PDCD6: variants seen among roughly 807,000 people sequenced by gnomAD.
PDCD6 encodes the protein programmed cell death 6.
PDCD6 carries 12 observed loss-of-function variants against 28.3 expected under a neutral mutation model. The observed-to-expected ratio is 0.42, with a 90% CI of 0.27 to 0.69. The LOEUF is 0.69. Ranked by LOEUF, PDCD6 falls within the 30% of genes least tolerant of loss-of-function variation. PDCD6 has a pLI of 0.22. For missense variants in PDCD6, 226 were observed against 269.9 expected, an observed-to-expected ratio of 0.84 and a Z score of 1.14; for synonymous variants, 92 against 108.0, an observed-to-expected ratio of 0.85 and a Z score of 0.92.
chr5:288,714 T>G (rs1323875936), intron 2 of PDCD6: 11 of 454,798 alleles, frequency 2.4e-5, no homozygotes, highest in Non-Finnish European at 3.7e-5. Flanking sequence ...TAAAGTACTT[T>G]ATTGTTTTAC....
chr5:292,760 A>G (rs888195134), intron 2 of PDCD6, among the ~76,000 whole-genome samples: 2 of 152,174 alleles, frequency 1.3e-5, no homozygotes, highest in African/African-American at 4.8e-5. Context: ...TGCTGTGAGG[A>G]CTTGGCTCCG....
At chr5:281,038 A>G (rs1579487202) in intron 2 of PDCD6, among the ~76,000 whole-genome samples, 1 of 152,266 alleles carries the variant, frequency 6.6e-6, no homozygotes, top group South Asian at 2.1e-4. Flanking sequence ...GCAGAGAGAA[A>G]TAAGATCGCA....
Position 314,823 on chromosome 5 carries a change from T to C in PDCD6, c.*308T>C. 1.1e-5 allele frequency: 5 copies of C among 446,740 alleles called. No individual in the cohort carries two copies. The highest frequency in any genetic ancestry group is 2.1e-5 in the Non-Finnish European group (5 of 238,820). 27.7% of individuals were successfully genotyped at this position (446,740 alleles called of 1,614,324 possible). ...GTGCTTTTCTAGATGTCTCTGGTTC[T>C]ATAGTGCAAATGCTTTTATTAGCCA... is the stretch of plus-strand genomic sequence containing the variant. On this transcript the variant is annotated 3_prime_UTR_variant, in exon 6 of 6. Transcript: ENST00000264933.
intron 4 of PDCD6, 151 bp downstream of exon 4, chr5:306,911 T>C: frequency 2.6e-6 from 2 of 760,158 alleles, no homozygotes; most frequent in Non-Finnish European, 4.5e-6. Flanking sequence ...TTGATATTGC[T>C]CATGTCGGAA....
At chr5:294,104 A>C (rs935585952) in intron 2 of PDCD6, among the ~76,000 whole-genome samples, 4 of 151,328 alleles carry the variant, frequency 2.6e-5, no homozygotes, top group Non-Finnish European at 5.9e-5. Context: ...AAACCCTTAG[A>C]TAAAAACACA....
chr5:275,033 G>A (rs945850798), intron 2 of PDCD6, among the ~76,000 whole-genome samples: 1 of 134,422 alleles, frequency 7.4e-6, no homozygotes, highest in Admixed American at 7.7e-5. Context: ...TTTCTTAGGC[G>A]CCCCCCTTTA....
chr5:271,918 T>G, intron 1 of PDCD6, 97 bp downstream of exon 1: 1 of 573,966 alleles, frequency 1.7e-6, no homozygotes, highest in Non-Finnish European at 2.7e-6. Flanking sequence ...CTGCCGGTTC[T>G]ACTGCGGCCT....
Position 271,810 on chromosome 5 carries a change from C to T in PDCD6, c.90C>T (p.Asn30=), listed in dbSNP as rs750325445. 2.1e-6 allele frequency: 3 copies of T among 1,447,980 alleles called. No homozygotes were observed. Among genetic ancestry groups the T allele is most frequent in the Non-Finnish European group, 2.7e-6 (3 of 1,103,904 alleles). The allele number at this position is 1,447,980 out of a possible 1,614,324, so 89.7% of individuals were successfully genotyped here. A position where few individuals can be genotyped will look rare whatever the true frequency, so the allele number is the denominator to read the frequency against. ...TGCCGGACCAGAGCTTCCTGTGGAA[C>T]GTTTTCCAGAGGTGCGGCCTGGCAC... ...AALPDQSFLW[N]VFQRVDKDRS... Residue 30 remains asparagine (N), a synonymous_variant, in exon 1 of 6, where the codon AAC becomes AAT. Coordinates refer to ENST00000264933, the MANE Select transcript of PDCD6 (RefSeq NM_013232.4).
intron 2 of PDCD6, among the ~76,000 whole-genome samples, chr5:303,930 TG>T (rs1276390846): frequency 2.6e-5 from 4 of 151,674 alleles, no homozygotes; most frequent in Non-Finnish European, 5.9e-5. Context: ...CCGCGATGAC[TG>T]TGGACGGCCT....
intron 2 of PDCD6, among the ~76,000 whole-genome samples, chr5:284,447 G>A (rs1265830527): frequency 6.6e-6 from 1 of 151,934 alleles, no homozygotes; most frequent in African/African-American, 2.4e-5. Context: ...TCTGGCAGGA[G>A]CTGATGTTCC....
In PDCD6 at chr5:274,939, A is replaced by G. The variant is rs147807756; in HGVS notation, c.163+2167A>G. On this transcript the variant is annotated intron_variant, in intron 2 of 5. Coordinates refer to ENST00000264933, the MANE Select transcript of PDCD6 (RefSeq NM_013232.4). ...GAATTGCCTGATGGGTGCTGAGTCC[A>G]CCATTCCTGAGATACTTTGAAATCA... Among the ~76,000 whole-genome samples the G allele has an allele frequency of 6.8e-3, 1,037 of 152,268 alleles. 9 individuals carry two copies. Among genetic ancestry groups the G allele is most frequent in the African/African-American group, 0.02 (825 of 41,548 alleles).
chr5:284,664 G>C (rs574409274), intron 2 of PDCD6, among the ~76,000 whole-genome samples: 2 of 93,006 alleles, frequency 2.2e-5, no homozygotes, highest in East Asian at 4.4e-4. Context: ...CCGGGCGGGA[G>C]CTGATGTTCC....
At chr5:283,133 G>A (rs1325347074) in intron 2 of PDCD6, among the ~76,000 whole-genome samples, 1 of 151,916 alleles carries the variant, frequency 6.6e-6, no homozygotes, top group Non-Finnish European at 1.5e-5. Context: ...TCAGAGAGGA[G>A]CTGATGTTCT....
At chr5:290,418 G>C (rs535042260) in intron 2 of PDCD6, 9 of 701,780 alleles carry the variant, frequency 1.3e-5, no homozygotes, top group Non-Finnish European at 2.3e-5. Flanking sequence ...CCACTCCCTC[G>C]CACACACTCC....
At chr5:314,264 C>T (rs1741125684) in intron 5 of PDCD6, among the ~76,000 whole-genome samples, 153 bp from the exon 6 acceptor site, 1 of 152,230 alleles carries the variant, frequency 6.6e-6, no homozygotes, top group Non-Finnish European at 1.5e-5. Context: ...GTGTGAACAG[C>T]TCCAGCCCCA....
chr5:303,325 C>T lies in PDCD6; in HGVS notation c.164-852C>T, dbSNP rs111488206. ...AAAAAAAAAAAAACTGTGTGTCTAA[C>T]ACAGACGGGGTATGAGGAGAGCCAC... On this transcript the variant is annotated intron_variant, in intron 2 of 5. Transcript: ENST00000264933. 4.3e-3 allele frequency among the ~76,000 whole-genome samples: 639 copies of T among 150,182 alleles called. 3 individuals are homozygous for T. The highest frequency in any genetic ancestry group is 0.015 in the South Asian group (73 of 4,752).
chr5:303,474 C>T (rs1426552084), intron 2 of PDCD6, among the ~76,000 whole-genome samples: 1 of 151,766 alleles, frequency 6.6e-6, no homozygotes, highest in Non-Finnish European at 1.5e-5. Context: ...AATCTTCATT[C>T]TCAGAGTTGA....
intron 2 of PDCD6, among the ~76,000 whole-genome samples, chr5:281,261 G>C (rs1039573280): frequency 3.9e-5 from 6 of 152,236 alleles, no homozygotes; most frequent in Non-Finnish European, 7.3e-5. Context: ...GCTGAATTTC[G>C]TAAGAAGGGA....
rs752050902 is a variant in PDCD6 at position 314,546 on chromosome 5, T to C, written c.*31T>C. 3.4e-6 allele frequency: 5 copies of C among 1,456,962 alleles called. No individual in the cohort carries two copies. In the Admixed American group the frequency reaches 5.0e-5, roughly 15 times the overall value. 90.3% of individuals were successfully genotyped at this position (1,456,962 alleles called of 1,614,324 possible). Reference sequence around the variant, plus strand: ...GCCTCTCGTGAAGAGCAGCACAACATGGAAAGAGCCAAAATGTCACAGTTC... The same window carrying C: ...GCCTCTCGTGAAGAGCAGCACAACACGGAAAGAGCCAAAATGTCACAGTTC... On this transcript the variant is annotated 3_prime_UTR_variant, in exon 6 of 6. Coordinates refer to ENST00000264933, the MANE Select transcript of PDCD6 (RefSeq NM_013232.4).
Sources: allele counts gnomAD v4.1 joint callset (sites outside exome capture counted in the v4.1 genomes callset), GRCh38; gene constraint gnomAD v4.1.1; transcripts MANE v1.5; gene names NCBI Gene and HGNC (gene_info 2026-07-23, HGNC 2026-07-21).